Variants in PPP2R2B observed in about 807,000 individuals in gnomAD.
PPP2R2B encodes protein phosphatase 2 regulatory subunit Bbeta.
In PPP2R2B, 5 loss-of-function variants were observed where a neutral mutation model predicts 46.0. The observed-to-expected ratio is 0.11, with a 90% CI of 0.06 to 0.23. The LOEUF (loss-of-function observed/expected upper bound fraction) is 0.23, where lower values mean the gene tolerates loss of function less well. PPP2R2B is among the 10% of genes least tolerant of loss of function. The pLI, the probability that PPP2R2B is intolerant of heterozygous loss-of-function variation, is 1.00. For synonymous variants in PPP2R2B, 215 were observed against 206.7 expected, an observed-to-expected ratio of 1.04 and a Z score of -0.34; for missense variants, 367 against 575.0, an observed-to-expected ratio of 0.64 and a Z score of 3.70.
chr5:146,748,751 G>A (rs905046464), intron 2 of PPP2R2B, among the ~76,000 whole-genome samples: 6 of 152,112 alleles, frequency 3.9e-5, no homozygotes, highest in East Asian at 1.9e-4. Flanking sequence ...TGGTATGGAC[G>A]TACCACAGTT....
intron 7 of PPP2R2B, among the ~76,000 whole-genome samples, chr5:146,636,893 G>T (rs1774865993): frequency 1.3e-5 from 2 of 152,116 alleles, no homozygotes; most frequent in Admixed American, 1.3e-4. Context: ...TTCTGTGGTT[G>T]CTGCCAACAA....
In PPP2R2B at chr5:146,683,054, C is replaced by T. The variant is rs77046172; in HGVS notation, c.447+8074G>A. ...TGGCCAAGAATATGGCCGAGAAATA[C>T]GGGTGGGTGTCTTGGCCACACTCCT... On this transcript the variant is annotated intron_variant, in intron 5 of 9. Coordinates refer to ENST00000394411, the MANE Select transcript of PPP2R2B (RefSeq NM_181675.4). Among the ~76,000 whole-genome samples the T allele has an allele frequency of 4.4e-3, 668 of 152,200 alleles. 5 individuals carry two copies. The highest frequency in any genetic ancestry group is 0.014 in the African/African-American group (589 of 41,532).
chr5:146,706,762 C>A, intron 2 of PPP2R2B: 6 of 806,680 alleles, frequency 7.4e-6, no homozygotes, highest in Non-Finnish European at 2.2e-6. Flanking sequence ...GCTCCTCATA[C>A]TTGATCTGAT....
chr5:146,886,109 C>T (rs1319464956), intron 1 of PPP2R2B, among the ~76,000 whole-genome samples: 4 of 152,056 alleles, frequency 2.6e-5, no homozygotes, highest in South Asian at 4.1e-4. Context: ...GAGGCCGAGG[C>T]GGGCGGATCA....
intron 1 of PPP2R2B, among the ~76,000 whole-genome samples, chr5:146,934,922 G>GA (rs1342960798): frequency 2.0e-5 from 3 of 151,792 alleles, no homozygotes; most frequent in African/African-American, 4.8e-5. Flanking sequence ...CTTTGGTATG[G>GA]AAAAAAAGAT....
intron 2 of PPP2R2B, among the ~76,000 whole-genome samples, chr5:146,849,287 ATGTAGTC>A (rs1296176484): frequency 1.3e-5 from 2 of 152,336 alleles, no homozygotes; most frequent in Admixed American, 6.5e-5. Flanking sequence ...ATATTTCTAT[ATGTAGTC>A]ACTTGTGAAT....
intron 2 of PPP2R2B, among the ~76,000 whole-genome samples, chr5:146,718,971 T>G (rs1581945768): frequency 6.6e-6 from 1 of 152,250 alleles, no homozygotes; most frequent in East Asian, 1.9e-4. Context: ...ATGGCTGAAA[T>G]AGCAGCTACT....
intron 1 of PPP2R2B, among the ~76,000 whole-genome samples, chr5:146,898,014 G>A (rs997869544): frequency 7.9e-5 from 12 of 152,068 alleles, no homozygotes; most frequent in Admixed American, 2.0e-4. Context: ...GCAAAACCCC[G>A]TGTCTACTAA....
intron 5 of PPP2R2B, among the ~76,000 whole-genome samples, chr5:146,685,064 G>A (rs1778406028): frequency 6.6e-6 from 1 of 152,214 alleles, no homozygotes; most frequent in Admixed American, 6.5e-5. Flanking sequence ...GCCACACTTT[G>A]TAGTGCATGC....
intron 2 of PPP2R2B, among the ~76,000 whole-genome samples, chr5:146,831,652 G>C (rs776710857): frequency 6.6e-6 from 1 of 152,114 alleles, no homozygotes; most frequent in Non-Finnish European, 1.5e-5. Context: ...TTAGCCAGGC[G>C]TGGTGGCACA....
At chr5:146,821,843 A>G (rs1758280889) in intron 2 of PPP2R2B, among the ~76,000 whole-genome samples, 1 of 152,188 alleles carries the variant, frequency 6.6e-6, no homozygotes, top group Admixed American at 6.5e-5. Context: ...CATAAAAAGC[A>G]TATTCAAGTA....
chr5:146,973,627 C>T (rs1323451992), intron 1 of PPP2R2B, among the ~76,000 whole-genome samples: 2 of 152,104 alleles, frequency 1.3e-5, no homozygotes, highest in Admixed American at 1.3e-4. Context: ...TAACTCAACC[C>T]AAATTTGGAG....
chr5:146,648,737 A>T (rs1775745293), intron 6 of PPP2R2B, among the ~76,000 whole-genome samples: 1 of 152,180 alleles, frequency 6.6e-6, no homozygotes, highest in African/African-American at 2.4e-5. Context: ...CTGAAGTGAC[A>T]TGTAACTAGC....
chr5:146,929,118 A>C (rs1763883429), intron 1 of PPP2R2B, among the ~76,000 whole-genome samples: 1 of 151,944 alleles, frequency 6.6e-6, no homozygotes, highest in South Asian at 2.1e-4. Flanking sequence ...TATCCTTCCC[A>C]TCTGTGTGTC....
chr5:146,755,130 A>C (rs917465233), intron 2 of PPP2R2B, among the ~76,000 whole-genome samples: 1 of 152,172 alleles, frequency 6.6e-6, no homozygotes, highest in Non-Finnish European at 1.5e-5. Flanking sequence ...GAGATGTGCC[A>C]TAGTGATGAA....
chr5:146,761,926 C>A (rs1434195633), intron 2 of PPP2R2B, among the ~76,000 whole-genome samples: 1 of 152,098 alleles, frequency 6.6e-6, no homozygotes, highest in African/African-American at 2.4e-5. Context: ...CCGCATTGAG[C>A]TCTCTGCAGA....
intron 2 of PPP2R2B, among the ~76,000 whole-genome samples, chr5:146,809,700 G>A (rs1757408317): frequency 1.3e-5 from 2 of 152,200 alleles, no homozygotes; most frequent in Admixed American, 6.5e-5. Context: ...TTGGTAAGGC[G>A]TTTGCTACTA....
At chr5:146,746,725 G>A (rs148638399) in intron 2 of PPP2R2B, among the ~76,000 whole-genome samples, 164 of 152,306 alleles carry the variant, frequency 1.1e-3, no homozygotes, top group Non-Finnish European at 2.0e-3. Flanking sequence ...GGGCAAAGCT[G>A]CTTGAACTGA....
chr5:146,615,287 G>T (rs1251397588), intron 7 of PPP2R2B, among the ~76,000 whole-genome samples: 16 of 82,278 alleles, frequency 1.9e-4, no homozygotes, highest in Admixed American at 1.6e-3. Context: ...TCACTCATAG[G>T]TGGGAATTGA....
Sources: allele counts gnomAD v4.1 joint callset (sites outside exome capture counted in the v4.1 genomes callset), GRCh38; gene constraint gnomAD v4.1.1; transcripts MANE v1.5; gene names NCBI Gene and HGNC (gene_info 2026-07-23, HGNC 2026-07-21).